FOXN3: variants seen among roughly 807,000 people sequenced by gnomAD.
The protein encoded by FOXN3 is forkhead box N3, also known as forkhead box protein N3.
A neutral mutation model predicts 38.4 loss-of-function variants in FOXN3; 7 were observed. That is an observed-to-expected ratio of 0.18 (90% CI 0.10 to 0.34). The LOEUF (loss-of-function observed/expected upper bound fraction) is 0.34, where lower values mean the gene tolerates loss of function less well. Among genes scored for constraint, FOXN3 ranks in the 10% least tolerant of loss-of-function variants. The pLI, the probability that FOXN3 is intolerant of heterozygous loss-of-function variation, is 1.00. For missense variants in FOXN3, 456 were observed against 613.4 expected, an observed-to-expected ratio of 0.74 and a Z score of 2.71; for synonymous variants, 230 against 242.2, an observed-to-expected ratio of 0.95 and a Z score of 0.47.
At chr14:89,537,072 C>T (rs1449928983) in intron 1 of FOXN3, among the ~76,000 whole-genome samples, 3 of 152,222 alleles carry the variant, frequency 2.0e-5, no homozygotes, top group Non-Finnish European at 2.9e-5. Context: ...GCCATTCTAC[C>T]TGGACACGCT....
intron 1 of FOXN3, among the ~76,000 whole-genome samples, chr14:89,545,223 T>C (rs1360731890): frequency 6.6e-6 from 1 of 152,248 alleles, no homozygotes; most frequent in Non-Finnish European, 1.5e-5. Context: ...AATCGTCACC[T>C]TCAGTGAGAG....
intron 1 of FOXN3, among the ~76,000 whole-genome samples, chr14:89,517,319 C>T (rs2139816480): frequency 6.9e-6 from 1 of 145,146 alleles, no homozygotes. Context: ...GCCGAGATCA[C>T]ACTCCAGCCT....
Position 89,256,416 on chromosome 14 carries a change from C to T in FOXN3, c.745+24534G>A, listed in dbSNP as rs754082825. On this transcript the variant is annotated intron_variant, in intron 4 of 5. Transcript: ENST00000557258. ...AATCACAGATGTCTTTGAGGACCTA[C>T]GGTCACGCCACATTCCACAAGGCCA... Among the ~76,000 whole-genome samples the T allele has an allele frequency of 2.1e-4, 32 of 152,300 alleles. 1 individual carries two copies. Among genetic ancestry groups the T allele is most frequent in the East Asian group, 1.4e-3 (7 of 5,178 alleles).
At chr14:89,618,375 C>T (rs192796462) in intron 1 of FOXN3, among the ~76,000 whole-genome samples, 1 of 152,312 alleles carries the variant, frequency 6.6e-6, no homozygotes, top group East Asian at 1.9e-4. Context: ...GCCTTCCCAG[C>T]CGGCAATCAT....
Position 89,360,657 on chromosome 14 carries a change from G to A in FOXN3, c.544-9849C>T, listed in dbSNP as rs189490659. Among the ~76,000 whole-genome samples the A allele has an allele frequency of 5.0e-3, 762 of 151,746 alleles. 2 individuals are homozygous for A. Among genetic ancestry groups the A allele is most frequent in the Non-Finnish European group, 8.5e-3 (578 of 67,848 alleles). ...TGGGGCAAGAGCTGATACCCTCACA[G>A]CCGCAGGTTCCCCCATGTTTCCACA... On this transcript the variant is annotated intron_variant, in intron 2 of 5. Coordinates refer to ENST00000557258, the MANE Select transcript of FOXN3 (RefSeq NM_005197.4).
intron 2 of FOXN3, among the ~76,000 whole-genome samples, chr14:89,402,191 A>C (rs1891269246): frequency 6.6e-6 from 1 of 152,222 alleles, no homozygotes; most frequent in Non-Finnish European, 1.5e-5. Context: ...ACCGCTTTTG[A>C]TGACACTAAA....
intron 3 of FOXN3, among the ~76,000 whole-genome samples, chr14:89,342,909 T>C (rs1055872889): frequency 1.3e-5 from 2 of 152,234 alleles, no homozygotes; most frequent in African/African-American, 4.8e-5. Flanking sequence ...CGGGTTTCCA[T>C]CAAATATGTT....
chr14:89,430,587 G>T (rs1007379271), intron 1 of FOXN3, among the ~76,000 whole-genome samples: 8 of 152,278 alleles, frequency 5.3e-5, no homozygotes, highest in African/African-American at 1.7e-4. Flanking sequence ...GTAGTCCTAT[G>T]ATTTTCAAGC....
chr14:89,216,829 C>A (rs1299854861), intron 4 of FOXN3, among the ~76,000 whole-genome samples: 1 of 152,214 alleles, frequency 6.6e-6, no homozygotes, highest in Non-Finnish European at 1.5e-5. Context: ...ATCCACAATC[C>A]TCATTGTTCC....
intron 1 of FOXN3, among the ~76,000 whole-genome samples, chr14:89,489,860 G>A (rs80118814): frequency 0.013 from 2,007 of 152,210 alleles, 29 homozygotes; most frequent in African/African-American, 0.038. Context: ...ACACACGCGC[G>A]CGCATGCACA....
chr14:89,204,049 CCTTACA>C (rs1256982244), intron 4 of FOXN3, among the ~76,000 whole-genome samples: 1 of 115,452 alleles, frequency 8.7e-6, no homozygotes, highest in Non-Finnish European at 1.7e-5. Flanking sequence ...AGGCATACTC[CCTTACA>C]CACACACACA....
intron 4 of FOXN3, among the ~76,000 whole-genome samples, chr14:89,228,785 T>C (rs926628375): frequency 2.0e-5 from 3 of 152,232 alleles, no homozygotes; most frequent in African/African-American, 7.2e-5. Flanking sequence ...ACTGATTTCC[T>C]AATCCAAATG....
At chr14:89,334,044 C>CACACACACACAT (rs71130056) in intron 3 of FOXN3, among the ~76,000 whole-genome samples, 1,951 of 144,408 alleles carry the variant, frequency 0.014, 24 homozygotes, top group Non-Finnish European at 0.018. Flanking sequence ...CACACACACA[C>CACACACACACAT]ACACAAAGGA....
chr14:89,530,427 C>G (rs986210684), intron 1 of FOXN3, among the ~76,000 whole-genome samples: 2 of 151,880 alleles, frequency 1.3e-5, no homozygotes, highest in Non-Finnish European at 2.9e-5. Context: ...ACTTATTCAC[C>G]ACCACCAGAA....
chr14:89,515,134 G>C (rs889779255), intron 1 of FOXN3, among the ~76,000 whole-genome samples: 5 of 151,774 alleles, frequency 3.3e-5, no homozygotes, highest in Non-Finnish European at 7.4e-5. Flanking sequence ...TGTTAGCCAG[G>C]CTGGTTTCAA....
chr14:89,274,459 T>A (rs1248914395), intron 4 of FOXN3, among the ~76,000 whole-genome samples: 2 of 152,168 alleles, frequency 1.3e-5, no homozygotes, highest in African/African-American at 2.4e-5. Context: ...GTGACTGACA[T>A]TCACAGTTCT....
intron 4 of FOXN3, among the ~76,000 whole-genome samples, chr14:89,184,543 T>C (rs115000747): frequency 0.03 from 4,556 of 152,310 alleles, 110 homozygotes; most frequent in African/African-American, 0.066. Flanking sequence ...GGATGTTCCT[T>C]GTCTCACGGA....
chr14:89,219,809 T>G (rs115712931), intron 4 of FOXN3, among the ~76,000 whole-genome samples: 2,733 of 152,262 alleles, frequency 0.018, 78 homozygotes, highest in African/African-American at 0.062. Flanking sequence ...TAAAGCTGTG[T>G]TGGTTGGATA....
At chr14:89,494,972 C>T (rs1893649152) in intron 1 of FOXN3, among the ~76,000 whole-genome samples, 1 of 152,140 alleles carries the variant, frequency 6.6e-6, no homozygotes, top group South Asian at 2.1e-4. Flanking sequence ...AATGCTTGGA[C>T]CTGTGAAGAA....
Sources: gnomAD v4.1 joint callset for allele counts (sites outside exome capture counted in the v4.1 genomes callset) on GRCh38, gnomAD v4.1.1 for gene constraint, MANE v1.5 for transcripts, NCBI Gene and HGNC (gene_info 2026-07-23, HGNC 2026-07-21) for gene names.